Variants in IFT80 observed in about 807,000 individuals in gnomAD.
IFT80 encodes intraflagellar transport protein 80 homolog.
In IFT80, 79 loss-of-function variants were observed where a neutral mutation model predicts 107.9. The ratio of observed to expected loss-of-function variants is 0.73; its 90% CI spans 0.61 to 0.88. The LOEUF is 0.88. Among genes scored for constraint, IFT80 ranks in the 40% least tolerant of loss-of-function variants. The pLI, the probability that IFT80 is intolerant of heterozygous loss-of-function variation, is 0.00. For synonymous variants in IFT80, 299 were observed against 300.9 expected (o/e 0.99, Z 0.07); for missense variants, 797 against 914.2 (o/e 0.87, Z 1.65).
chr3:160,297,448 T>C (rs952693264), intron 12 of IFT80, among the ~76,000 whole-genome samples: 5 of 152,054 alleles, frequency 3.3e-5, no homozygotes, highest in Admixed American at 2.0e-4. Flanking sequence ...ACAACATATA[T>C]AGATTATAAA....
intron 11 of IFT80, among the ~76,000 whole-genome samples, chr3:160,303,258 A>C (rs933264188): frequency 5.3e-5 from 8 of 152,180 alleles, no homozygotes; most frequent in African/African-American, 1.9e-4. Context: ...TCCTCCTCTG[A>C]TTCAGTAGGC....
In IFT80 at chr3:160,394,495, G is replaced by A. The variant is rs533059402; in HGVS notation, c.-47+4651C>T. On this transcript the variant is annotated intron_variant, in intron 1 of 19. Transcript: ENST00000326448. ...CATCTCAATTCCTGTATGCATTTGC[G>A]AAAGTGTATGTGTACGCTGTGGTAT... Among the ~76,000 whole-genome samples the A allele has an allele frequency of 2.6e-5, 4 of 152,308 alleles. No individual in the cohort carries two copies. The East Asian group carries it at 7.7e-4, about 29-fold the overall frequency.
chr3:160,282,026 C>T (rs1447398438), intron 14 of IFT80, among the ~76,000 whole-genome samples: 1 of 152,222 alleles, frequency 6.6e-6, no homozygotes, highest in Non-Finnish European at 1.5e-5. Context: ...GCCTGTAATC[C>T]CAGCACTTTA....
At chr3:160,379,306 C>T (rs566495741) in intron 3 of IFT80, among the ~76,000 whole-genome samples, 10 of 152,174 alleles carry the variant, frequency 6.6e-5, no homozygotes, top group African/African-American at 1.7e-4. Context: ...TAAAGAGACA[C>T]AACAAAAACA....
chr3:160,285,692 T>G, intron 13 of IFT80, 112 bp downstream of exon 13: 1 of 785,500 alleles, frequency 1.3e-6, no homozygotes, highest in Non-Finnish European at 2.1e-6. Flanking sequence ...GCACATTGAT[T>G]TTAAATAAAA....
chr3:160,282,678 T>A, intron 13 of IFT80, 65 bp from the exon 14 acceptor site: 1 of 945,858 alleles, frequency 1.1e-6, no homozygotes, highest in Non-Finnish European at 1.6e-6. Flanking sequence ...TCATTTTAAT[T>A]AATTATAAAA....
intron 8 of IFT80, among the ~76,000 whole-genome samples, chr3:160,342,493 T>C (rs1559950227): frequency 6.6e-6 from 1 of 152,190 alleles, no homozygotes; most frequent in Non-Finnish European, 1.5e-5. Context: ...AATAAATATT[T>C]AAACTAAAAA....
At chr3:160,319,694 C>A in intron 9 of IFT80, 66 bp downstream of exon 9, 2 of 1,268,632 alleles carry the variant, frequency 1.6e-6, no homozygotes, top group Non-Finnish European at 2.3e-6. Context: ...AAGATAATTC[C>A]ATATTCTGTA....
chr3:160,286,284 A>G (rs573680686), intron 12 of IFT80, among the ~76,000 whole-genome samples: 13 of 152,378 alleles, frequency 8.5e-5, no homozygotes, highest in Admixed American at 2.6e-4. Flanking sequence ...GAAATGGCAT[A>G]CAAATTTATT....
At chr3:160,342,066 T>C (rs1719936060) in intron 8 of IFT80, among the ~76,000 whole-genome samples, 1 of 152,206 alleles carries the variant, frequency 6.6e-6, no homozygotes, top group East Asian at 1.9e-4. Context: ...AACTTTATAT[T>C]TAAAAACAAA....
chr3:160,383,501 TTTTC>T lies in IFT80; in HGVS notation c.37+1059_37+1062del, dbSNP rs1266798559. 21 of 891,128 alleles carry T rather than the reference TTTTC, an allele frequency of 2.4e-5. No homozygotes were observed. The African/African-American group carries it at 3.8e-4, about 16-fold the overall frequency. 55.2% of individuals were successfully genotyped at this position (891,128 alleles called of 1,614,324 possible). A position where few individuals can be genotyped will look rare whatever the true frequency, so the allele number is the denominator to read the frequency against. ...TCCTAGTTCTGATGAAGGACCAGAT[TTTTC>T]TTTATTTCGAATCCATTGCATATGG... On this transcript the variant is annotated intron_variant, in intron 2 of 19. Coordinates refer to ENST00000326448, the MANE Select transcript of IFT80 (RefSeq NM_020800.3).
rs1712430910 is a variant in IFT80 at position 160,257,117 on chromosome 3, C to A, written c.*1408G>T. 1.3e-5 allele frequency: 2 copies of A among 152,068 alleles called. No individual in the cohort carries two copies. The highest frequency in any genetic ancestry group is 2.4e-5 in the African/African-American group (1 of 41,400). 9.4% of individuals were successfully genotyped at this position (152,068 alleles called of 1,614,324 possible). ...AATATAACAATATAGGAAACACATA[C>A]ACAGTACAACTTGTAAGTACACTGC... is the stretch of plus-strand genomic sequence containing the variant. On this transcript the variant is annotated 3_prime_UTR_variant, in exon 20 of 20. Transcript: ENST00000326448.
intron 8 of IFT80, among the ~76,000 whole-genome samples, chr3:160,322,594 C>A (rs1393182725): frequency 1.3e-5 from 2 of 152,050 alleles, no homozygotes; most frequent in African/African-American, 4.8e-5. Context: ...AGTTCTAGAT[C>A]CCTGAGGAAT....
At chr3:160,293,846 A>C (rs1715762437) in intron 12 of IFT80, among the ~76,000 whole-genome samples, 1 of 152,132 alleles carries the variant, frequency 6.6e-6, no homozygotes, top group Non-Finnish European at 1.5e-5. Context: ...CAATGACTTA[A>C]ATAATCATGC....
chr3:160,338,843 C>T (rs1296970743), intron 8 of IFT80, among the ~76,000 whole-genome samples: 3 of 151,988 alleles, frequency 2.0e-5, no homozygotes, highest in Non-Finnish European at 4.4e-5. Context: ...TCTCTTTTTT[C>T]CCCTACATTC....
intron 9 of IFT80, among the ~76,000 whole-genome samples, chr3:160,314,879 T>C (rs780925665): frequency 1.3e-5 from 2 of 152,122 alleles, no homozygotes; most frequent in Non-Finnish European, 2.9e-5. Context: ...AGAAAATGAC[T>C]GGAGGCGAGC....
At chr3:160,392,756 A>G (rs1713482529) in intron 1 of IFT80, among the ~76,000 whole-genome samples, 2 of 152,194 alleles carry the variant, frequency 1.3e-5, no homozygotes, top group South Asian at 2.1e-4. Flanking sequence ...GCTCACCACA[A>G]CAGCCCATGT....
chr3:160,355,552 T>C (rs1056293141), intron 8 of IFT80, among the ~76,000 whole-genome samples: 1 of 152,134 alleles, frequency 6.6e-6, no homozygotes, highest in Non-Finnish European at 1.5e-5. Flanking sequence ...CATCCAGCCA[T>C]GTCCTCTGGT....
chr3:160,317,113 C>A (rs990919538), intron 9 of IFT80, among the ~76,000 whole-genome samples: 1 of 152,046 alleles, frequency 6.6e-6, no homozygotes, highest in Non-Finnish European at 1.5e-5. Context: ...AGGACCAAAT[C>A]TGTCTTGTTC....
Sources: gnomAD v4.1 joint callset for allele counts (sites outside exome capture counted in the v4.1 genomes callset) on GRCh38, gnomAD v4.1.1 for gene constraint, MANE v1.5 for transcripts, NCBI Gene and HGNC (gene_info 2026-07-23, HGNC 2026-07-21) for gene names.